The following UMAD1 variants were observed in gnomAD, a reference collection of about 807,000 sequenced individuals.
UMAD1 encodes UBAP1-MVB12-associated (UMA) domain containing 1.
Under a neutral mutation model 6.1 loss-of-function variants are expected in UMAD1, and 8 were observed. The ratio of observed to expected loss-of-function variants is 1.30; its 90% CI spans 0.76 to 2.35. UMAD1 has a LOEUF of 2.35. UMAD1 is among the 30% of genes most tolerant of loss of function. The pLI is 0.00. For synonymous variants in UMAD1, 56 were observed against 31.4 expected (o/e 1.78, Z -2.61); for missense variants, 130 against 78.4 (o/e 1.66, Z -2.49).
chr7:7,826,109 C>T (rs1428323866), intron 3 of UMAD1, among the ~76,000 whole-genome samples: 1 of 152,006 alleles, frequency 6.6e-6, no homozygotes, highest in Admixed American at 6.6e-5. Context: ...GATATTGAAC[C>T]TAAGGATACA....
intron 2 of UMAD1, among the ~76,000 whole-genome samples, chr7:7,722,153 C>A (rs1382271523): frequency 1.4e-5 from 2 of 144,478 alleles, no homozygotes; most frequent in Non-Finnish European, 3.0e-5. Flanking sequence ...CTCTCTCTCT[C>A]TCTCTATATA....
Position 7,838,285 on chromosome 7 carries a change from G to A in UMAD1, c.156+36542G>A, listed in dbSNP as rs527265684. 3.3e-5 allele frequency among the ~76,000 whole-genome samples: 5 copies of A among 152,214 alleles called. No individual in the cohort carries two copies. In the South Asian group the frequency reaches 8.3e-4, roughly 25 times the overall value. ...AGGCTAAACAGATTGAGTCCACAGG[G>A]TATAGTTTGTTGACCTCTGAAATAG... is the stretch of plus-strand genomic sequence containing the variant. On this transcript the variant is annotated intron_variant, in intron 3 of 3. Transcript: ENST00000682710.
intron 3 of UMAD1, among the ~76,000 whole-genome samples, chr7:7,852,898 T>G (rs1019554020): frequency 1.3e-5 from 2 of 152,212 alleles, no homozygotes; most frequent in African/African-American, 4.8e-5. Context: ...ACCTGTTTGT[T>G]CACATTCTTC....
At chr7:7,749,716 A>G (rs1781641534) in intron 2 of UMAD1, among the ~76,000 whole-genome samples, 1 of 152,186 alleles carries the variant, frequency 6.6e-6, no homozygotes, top group African/African-American at 2.4e-5. Context: ...TGATGAAAAG[A>G]TTTATAAAAT....
intron 3 of UMAD1, among the ~76,000 whole-genome samples, chr7:7,840,343 A>G (rs561435057): frequency 3.9e-5 from 6 of 152,180 alleles, no homozygotes; most frequent in Non-Finnish European, 7.4e-5. Context: ...GCACATCAGA[A>G]TAATCTGAGG....
chr7:7,871,826 C>T (rs577194963), intron 3 of UMAD1, among the ~76,000 whole-genome samples: 1 of 143,552 alleles, frequency 7.0e-6, no homozygotes, highest in Admixed American at 7.2e-5. Flanking sequence ...ATTACGTTCT[C>T]ACAAATAACA....
chr7:7,731,105 T>C (rs993881915), intron 2 of UMAD1, among the ~76,000 whole-genome samples: 2 of 152,174 alleles, frequency 1.3e-5, no homozygotes, highest in African/African-American at 4.8e-5. Context: ...TTCCAGCAAT[T>C]CTCCTGCCTC....
At chr7:7,649,123 A>G (rs1348340645) in intron 1 of UMAD1, among the ~76,000 whole-genome samples, 2 of 141,792 alleles carry the variant, frequency 1.4e-5, no homozygotes, top group Admixed American at 1.6e-4. Context: ...GTGCCACTGC[A>G]CTCCAGCCCG....
At chr7:7,787,815 A>C (rs1486204473) in intron 2 of UMAD1, among the ~76,000 whole-genome samples, 1 of 152,230 alleles carries the variant, frequency 6.6e-6, no homozygotes, top group African/African-American at 2.4e-5. Flanking sequence ...CAAATTTCAC[A>C]TTAGGGTTAT....
intron 3 of UMAD1, among the ~76,000 whole-genome samples, chr7:7,837,452 A>G (rs1783591968): frequency 6.6e-6 from 1 of 152,172 alleles, no homozygotes; most frequent in African/African-American, 2.4e-5. Context: ...GCTTATAGCC[A>G]ACAACTCCGT....
At chr7:7,784,966 G>T (rs890535382) in intron 2 of UMAD1, among the ~76,000 whole-genome samples, 2 of 152,078 alleles carry the variant, frequency 1.3e-5, no homozygotes, top group Non-Finnish European at 2.9e-5. Context: ...GTTTCACCGT[G>T]TCCTTCCTTC....
chr7:7,792,108 A>C (rs6966185), intron 2 of UMAD1, among the ~76,000 whole-genome samples: 1 of 151,996 alleles, frequency 6.6e-6, no homozygotes, highest in Non-Finnish European at 1.5e-5. Context: ...GCATGTGCCA[A>C]TTCTTTCCTT....
chr7:7,833,616 G>C (rs1249749166), intron 3 of UMAD1, among the ~76,000 whole-genome samples: 1 of 152,044 alleles, frequency 6.6e-6, no homozygotes, highest in Non-Finnish European at 1.5e-5. Context: ...AATAACTCTT[G>C]GTAATTACCA....
chr7:7,806,944 G>A (rs1453778339), intron 3 of UMAD1, among the ~76,000 whole-genome samples: 1 of 152,116 alleles, frequency 6.6e-6, no homozygotes, highest in Non-Finnish European at 1.5e-5. Context: ...AGAACCTTTG[G>A]AGAAGGTGGC....
intron 2 of UMAD1, among the ~76,000 whole-genome samples, chr7:7,743,962 G>A (rs1203107453): frequency 6.6e-6 from 1 of 151,850 alleles, no homozygotes; most frequent in Admixed American, 6.6e-5. Context: ...TAAAGTGTAC[G>A]ATTCAATGGC....
chr7:7,721,179 C>G (rs34124547), intron 2 of UMAD1, among the ~76,000 whole-genome samples: 1 of 152,118 alleles, frequency 6.6e-6, no homozygotes, highest in Non-Finnish European at 1.5e-5. Context: ...ACTTGATTGA[C>G]GATTTCTAGT....
chr7:7,793,580 A>G (rs1247188564), intron 2 of UMAD1, among the ~76,000 whole-genome samples: 1 of 152,190 alleles, frequency 6.6e-6, no homozygotes, highest in Non-Finnish European at 1.5e-5. Flanking sequence ...GTGCCTGGCT[A>G]TCTTTTTCTT....
At chr7:7,762,773 A>G (rs1781916519) in intron 2 of UMAD1, among the ~76,000 whole-genome samples, 1 of 152,126 alleles carries the variant, frequency 6.6e-6, no homozygotes, top group Non-Finnish European at 1.5e-5. Context: ...TCTTTCCTAA[A>G]TTGCACACTT....
intron 2 of UMAD1, among the ~76,000 whole-genome samples, chr7:7,720,993 G>A (rs570343960): frequency 6.6e-6 from 1 of 152,288 alleles, no homozygotes; most frequent in South Asian, 2.1e-4. Flanking sequence ...TAAGAAGAGG[G>A]AAATTTGGAC....
Sources: allele counts gnomAD v4.1 joint callset (sites outside exome capture counted in the v4.1 genomes callset), GRCh38; gene constraint gnomAD v4.1.1; transcripts MANE v1.5; gene names NCBI Gene and HGNC (gene_info 2026-07-23, HGNC 2026-07-21).